The following CFDP1 variants were observed in gnomAD, a reference collection of about 807,000 sequenced individuals.
CFDP1 encodes heterochromatin-stabilizing protein CFDP1.
A neutral mutation model predicts 40.1 loss-of-function variants in CFDP1; 31 were observed. The observed-to-expected ratio is 0.77, with a 90% CI of 0.58 to 1.04. CFDP1 has a LOEUF of 1.04. Among genes scored for constraint, CFDP1 ranks in the 50% least tolerant of loss-of-function variants. The pLI, the probability that CFDP1 is intolerant of heterozygous loss-of-function variation, is 0.00. For synonymous variants in CFDP1, 167 were observed against 120.0 expected (o/e 1.39, Z -2.56); for missense variants, 423 against 343.4 (o/e 1.23, Z -1.83).
intron 4 of CFDP1, among the ~76,000 whole-genome samples, chr16:75,405,212 T>C (rs1448893647): frequency 6.6e-6 from 1 of 152,242 alleles, no homozygotes; most frequent in African/African-American, 2.4e-5. Context: ...GACATTACAA[T>C]GTGTGTGATA....
chr16:75,320,980 AT>A (rs200893143), intron 5 of CFDP1, among the ~76,000 whole-genome samples: 12 of 149,874 alleles, frequency 8.0e-5, no homozygotes, highest in African/African-American at 9.8e-5. Flanking sequence ...CTCAGCTAGT[AT>A]TTTTTTTTTA....
At chr16:75,335,455 C>T (rs920329298) in intron 5 of CFDP1, among the ~76,000 whole-genome samples, 3 of 152,136 alleles carry the variant, frequency 2.0e-5, no homozygotes, top group Non-Finnish European at 2.9e-5. Flanking sequence ...TGTGTCCATC[C>T]GGAGAGATTC....
chr16:75,320,953 A>C (rs1465996834), intron 5 of CFDP1, among the ~76,000 whole-genome samples: 2 of 152,062 alleles, frequency 1.3e-5, no homozygotes, highest in South Asian at 2.1e-4. Context: ...AAATCTGATG[A>C]CTTACTATTT....
intron 5 of CFDP1, among the ~76,000 whole-genome samples, chr16:75,340,516 T>C (rs779828373): frequency 6.6e-6 from 1 of 152,222 alleles, no homozygotes; most frequent in Non-Finnish European, 1.5e-5. Flanking sequence ...CCAACCAGTT[T>C]CTTGTCAGAG....
At chr16:75,310,922 G>T (rs79835440) in intron 5 of CFDP1, among the ~76,000 whole-genome samples, 7 of 152,286 alleles carry the variant, frequency 4.6e-5, no homozygotes, top group Non-Finnish European at 8.8e-5. Context: ...TTCATTCATT[G>T]CATTCATTCA....
Position 75,296,600 on chromosome 16 carries a change from T to C in CFDP1, c.810-2558A>G, listed in dbSNP as rs548687940. Among the ~76,000 whole-genome samples the C allele has an allele frequency of 2.6e-5, 4 of 152,358 alleles. No homozygotes were observed. In the South Asian group the frequency reaches 6.2e-4, roughly 24 times the overall value. ...GCTAACTGGGTACGAATAAAGGTCC[T>C]GCACGTTCCCAGAAGCTGTGTTGGG... is the stretch of plus-strand genomic sequence containing the variant. On this transcript the variant is annotated intron_variant, in intron 6 of 6. Coordinates refer to ENST00000283882, the MANE Select transcript of CFDP1 (RefSeq NM_006324.3).
intron 4 of CFDP1, among the ~76,000 whole-genome samples, chr16:75,410,053 C>T (rs71394215): frequency 6.2e-5 from 2 of 32,158 alleles, no homozygotes; most frequent in Non-Finnish European, 9.9e-5. Flanking sequence ...AAGACCCTTT[C>T]TCAAAAAAAA....
chr16:75,335,949 AAC>A (rs2078485212), intron 5 of CFDP1, among the ~76,000 whole-genome samples: 3 of 152,320 alleles, frequency 2.0e-5, no homozygotes, highest in African/African-American at 7.2e-5. Flanking sequence ...GGTTCGACCT[AAC>A]ACAAAAAATA....
intron 5 of CFDP1, among the ~76,000 whole-genome samples, chr16:75,313,301 A>G (rs1443057248): frequency 6.6e-6 from 1 of 152,140 alleles, no homozygotes; most frequent in African/African-American, 2.4e-5. Context: ...GAAGATGTAA[A>G]AGAACTTGTG....
At chr16:75,367,133 C>T (rs117541417) in intron 5 of CFDP1, among the ~76,000 whole-genome samples, 1,701 of 145,418 alleles carry the variant, frequency 0.012, 14 homozygotes, top group Non-Finnish European at 0.021. Context: ...CACTGCATTC[C>T]AGCCTGAGTG....
At chr16:75,306,018 A>G (rs73607044) in intron 5 of CFDP1, among the ~76,000 whole-genome samples, 414 of 152,328 alleles carry the variant, frequency 2.7e-3, no homozygotes, top group African/African-American at 9.6e-3. Context: ...TAAAATAAGA[A>G]AAGCAAAATG....
chr16:75,331,640 T>C (rs2078446644), intron 5 of CFDP1, among the ~76,000 whole-genome samples: 1 of 152,228 alleles, frequency 6.6e-6, no homozygotes, highest in Admixed American at 6.5e-5. Context: ...AATACGTTAT[T>C]TTTTTCTTTT....
chr16:75,416,563 C>T (rs1041066383), intron 1 of CFDP1, among the ~76,000 whole-genome samples: 1 of 151,364 alleles, frequency 6.6e-6, no homozygotes, highest in Non-Finnish European at 1.5e-5. Flanking sequence ...GAGTTGAAGA[C>T]CAGCCTGGGC....
chr16:75,414,511 A>C (rs1264650693), intron 2 of CFDP1, 67 bp downstream of exon 2: 1 of 919,972 alleles, frequency 1.1e-6, no homozygotes, highest in East Asian at 2.4e-5. Context: ...TCATGAGACC[A>C]ATCTTAGCAA....
intron 5 of CFDP1, chr16:75,372,505 C>T (rs1486837664): frequency 1.6e-5 from 2 of 122,438 alleles, no homozygotes; most frequent in Admixed American, 9.7e-5. Flanking sequence ...GTTCTGAAAT[C>T]GAACCAGAAC....
intron 3 of CFDP1, 135 bp from the exon 4 acceptor site, chr16:75,412,087 C>T: frequency 4.5e-6 from 4 of 881,952 alleles, no homozygotes; most frequent in Non-Finnish European, 4.9e-6. Flanking sequence ...ACAATCTTGG[C>T]TCACTGCAAC....
rs1415853361 is a variant in CFDP1 at position 75,422,269 on chromosome 16, TG to T, written c.65-7575del. Among the ~76,000 whole-genome samples, 15 of 152,028 alleles carry T rather than the reference TG, an allele frequency of 9.9e-5. No homozygotes were observed. In the South Asian group the frequency reaches 3.1e-3, roughly 32 times the overall value. ...TTGCCACCACACCCGGCTAATTTTTTGTATTTTTAGTAGAGACAGGGTTTCA... is the reference window on the plus strand; with the variant it reads ...TTGCCACCACACCCGGCTAATTTTTTTATTTTTAGTAGAGACAGGGTTTCA... On this transcript the variant is annotated intron_variant, in intron 1 of 6. Transcript: ENST00000283882.
At chr16:75,361,781 T>C (rs558327111) in intron 5 of CFDP1, among the ~76,000 whole-genome samples, 6 of 152,314 alleles carry the variant, frequency 3.9e-5, no homozygotes, top group East Asian at 1.9e-4. Context: ...TCTGAACACA[T>C]GAACATGTTC....
intron 5 of CFDP1, among the ~76,000 whole-genome samples, chr16:75,317,946 C>A (rs553107009): frequency 1.3e-5 from 2 of 152,024 alleles, no homozygotes; most frequent in African/African-American, 2.4e-5. Flanking sequence ...CCCCACCCCC[C>A]ATCTCTACTA....
Sources: allele counts gnomAD v4.1 joint callset (sites outside exome capture counted in the v4.1 genomes callset), GRCh38; gene constraint gnomAD v4.1.1; transcripts MANE v1.5; gene names NCBI Gene and HGNC (gene_info 2026-07-23, HGNC 2026-07-21).